Variants in DYTN observed in about 807,000 individuals in gnomAD.
DYTN encodes dystrotelin.
In DYTN, 75 loss-of-function variants were observed where a neutral mutation model predicts 69.6. The ratio of observed to expected loss-of-function variants is 1.08; its 90% CI spans 0.89 to 1.31. The LOEUF is 1.31. DYTN is among the 50% of genes most tolerant of loss of function. The pLI is 0.00. For synonymous variants in DYTN, 252 were observed against 249.1 expected (o/e 1.01, Z -0.11); for missense variants, 726 against 688.4 (o/e 1.05, Z -0.61).
intron 5 of DYTN, among the ~76,000 whole-genome samples, chr2:206,700,699 C>T (rs1431709487): frequency 1.3e-5 from 2 of 151,842 alleles, no homozygotes; most frequent in Admixed American, 6.6e-5. Context: ...CACTTACCAA[C>T]CTCTCATCTA....
At position 206,678,334 on chromosome 2, in the gene DYTN, T is replaced by A. The variant is rs552679829; in HGVS notation, c.981-12305A>T. Among the ~76,000 whole-genome samples, 5 of 152,318 alleles carry A rather than the reference T, an allele frequency of 3.3e-5. No homozygotes were observed. The East Asian group carries it at 7.7e-4, about 24-fold the overall frequency. ...ATTAGCAAGGATCTTGTGAGAAAGG[T>A]GCTACATTCACTAGAAGCCTAACTT... is the stretch of plus-strand genomic sequence containing the variant. On this transcript the variant is annotated intron_variant, in intron 9 of 11. Coordinates refer to ENST00000452335, the MANE Select transcript of DYTN (RefSeq NM_001093730.1).
chr2:206,675,145 G>GTGTGTGTGTGTGTGTA (rs1415225495), intron 9 of DYTN, among the ~76,000 whole-genome samples: 147 of 120,378 alleles, frequency 1.2e-3, no homozygotes, highest in African/African-American at 2.0e-3. Context: ...GTGTGTGTGT[G>GTGTGTGTGTGTGTGTA]TATATATGTG....
chr2:206,699,944 A>G (rs1475378498), intron 6 of DYTN, 54 bp from the exon 7 acceptor site: 2 of 1,577,088 alleles, frequency 1.3e-6, no homozygotes, highest in Middle Eastern at 1.7e-4. Context: ...TGATATTTTC[A>G]TTTTCTTTTC....
chr2:206,695,183 C>T lies in DYTN; in HGVS notation c.720-306G>A, dbSNP rs1464803381. On this transcript the variant is annotated intron_variant, in intron 7 of 11. Coordinates refer to ENST00000452335, the MANE Select transcript of DYTN (RefSeq NM_001093730.1). Reference sequence around the variant, plus strand: ...CCTTCTATATGCAGGGTGCTGTGTGCTACAACCTTTAGGATAAACCCTTAA... The same window carrying T: ...CCTTCTATATGCAGGGTGCTGTGTGTTACAACCTTTAGGATAAACCCTTAA... 3.9e-5 allele frequency among the ~76,000 whole-genome samples: 6 copies of T among 152,174 alleles called. No individual in the cohort carries two copies. The East Asian group carries it at 5.8e-4, about 15-fold the overall frequency.
intron 9 of DYTN, among the ~76,000 whole-genome samples, chr2:206,675,145 G>GTGTGTGTGTGTGTGTGTGTA (rs1415225495): frequency 1.7e-4 from 21 of 120,426 alleles, no homozygotes; most frequent in African/African-American, 4.0e-4. Flanking sequence ...GTGTGTGTGT[G>GTGTGTGTGTGTGTGTGTGTA]TATATATGTG....
chr2:206,659,029 A>C (rs772005411), intron 11 of DYTN, among the ~76,000 whole-genome samples: 1 of 151,064 alleles, frequency 6.6e-6, no homozygotes, highest in Non-Finnish European at 1.5e-5. Context: ...AACAGCTGAC[A>C]CTTTTCCAAA....
At chr2:206,690,428 A>G (rs1699852407) in intron 9 of DYTN, among the ~76,000 whole-genome samples, 1 of 152,190 alleles carries the variant, frequency 6.6e-6, no homozygotes, top group Non-Finnish European at 1.5e-5. Context: ...GAAGGCCACA[A>G]AAAAGTTTGT....
chr2:206,706,247 A>G (rs1700024284), intron 3 of DYTN, among the ~76,000 whole-genome samples: 1 of 151,890 alleles, frequency 6.6e-6, no homozygotes, highest in South Asian at 2.1e-4. Flanking sequence ...AAAGGCAGGC[A>G]CAGGAACAAA....
At chr2:206,674,234 TG>T (rs1217098895) in intron 9 of DYTN, among the ~76,000 whole-genome samples, 23 of 152,260 alleles carry the variant, frequency 1.5e-4, no homozygotes, top group African/African-American at 5.5e-4. Flanking sequence ...ACTTGATTTC[TG>T]GGAGTAAAAG....
At chr2:206,702,229 C>T (rs1699983664) in intron 5 of DYTN, among the ~76,000 whole-genome samples, 1 of 152,128 alleles carries the variant, frequency 6.6e-6, no homozygotes, top group Non-Finnish European at 1.5e-5. Context: ...CATCTATATG[C>T]ACAGATACAT....
intron 2 of DYTN, among the ~76,000 whole-genome samples, chr2:206,709,013 T>C (rs1027787701): frequency 2.6e-5 from 4 of 152,042 alleles, no homozygotes; most frequent in East Asian, 1.9e-4. Context: ...AAATGCATAA[T>C]TGGGGGTAAA....
At chr2:206,682,641 CA>C in intron 9 of DYTN, among the ~76,000 whole-genome samples, 1 of 152,132 alleles carries the variant, frequency 6.6e-6, no homozygotes, top group Non-Finnish European at 1.5e-5. Context: ...CAACCATTAA[CA>C]TGCCAACAAC....
rs925673939 is a variant in DYTN at position 206,675,113 on chromosome 2, ATATGTG to A, written c.981-9090_981-9085del. Among the ~76,000 whole-genome samples the A allele has an allele frequency of 1.4e-3, 169 of 122,666 alleles. 1 individual carries two copies. Among genetic ancestry groups the A allele is most frequent in the African/African-American group, 5.1e-3 (161 of 31,816 alleles). 80.5% of individuals were successfully genotyped at this position (122,666 alleles called of 152,430 possible). ...ATTGGAGGGGAAAAAACATATATAT[ATATGTG>A]TGTGTGTGTGTGTGTGTGTGTGTGT... On this transcript the variant is annotated intron_variant, in intron 9 of 11. Transcript: ENST00000452335.
At chr2:206,710,817 G>C (rs1347785671) in intron 1 of DYTN, among the ~76,000 whole-genome samples, 3 of 151,992 alleles carry the variant, frequency 2.0e-5, no homozygotes, top group Non-Finnish European at 4.4e-5. Flanking sequence ...CCACCAAAAA[G>C]TGACGGAATA....
At chr2:206,693,034 A>G (rs1287315544) in intron 9 of DYTN, 141 bp downstream of exon 9, 1 of 1,262,896 alleles carries the variant, frequency 7.9e-7, no homozygotes, top group Non-Finnish European at 1.0e-6. Flanking sequence ...AGAGGAAAAA[A>G]ATATCTGAAG....
At chr2:206,716,175 G>A (rs947393362) in intron 1 of DYTN, among the ~76,000 whole-genome samples, 1 of 152,186 alleles carries the variant, frequency 6.6e-6, no homozygotes, top group Non-Finnish European at 1.5e-5. Context: ...ACAGTGCCTT[G>A]ATTTTGATTT....
At chr2:206,715,965 G>A (rs954934359) in intron 1 of DYTN, among the ~76,000 whole-genome samples, 1 of 152,162 alleles carries the variant, frequency 6.6e-6, no homozygotes, top group Non-Finnish European at 1.5e-5. Context: ...GTGCGTGCCT[G>A]TAATCTCAGC....
At chr2:206,691,557 A>T (rs1699863378) in intron 9 of DYTN, among the ~76,000 whole-genome samples, 1 of 152,212 alleles carries the variant, frequency 6.6e-6, no homozygotes, top group African/African-American at 2.4e-5. Flanking sequence ...GCTGGCTTTA[A>T]GAATAAAGAT....
At chr2:206,668,135 A>G (rs1304692036) in intron 9 of DYTN, among the ~76,000 whole-genome samples, 1 of 152,228 alleles carries the variant, frequency 6.6e-6, no homozygotes, top group African/African-American at 2.4e-5. Context: ...CAACAAAAAA[A>G]CATTCTCAGA....
Sources: allele counts gnomAD v4.1 joint callset (sites outside exome capture counted in the v4.1 genomes callset), GRCh38; gene constraint gnomAD v4.1.1; transcripts MANE v1.5; gene names NCBI Gene and HGNC (gene_info 2026-07-23, HGNC 2026-07-21).